Variants in TRPM3 observed in about 807,000 individuals in gnomAD.
The protein encoded by TRPM3 is transient receptor potential cation channel subfamily M member 3.
Under a neutral mutation model 181.2 loss-of-function variants are expected in TRPM3, and 77 were observed. The ratio of observed to expected loss-of-function variants is 0.42; its 90% CI spans 0.35 to 0.51. The LOEUF is 0.51. Among genes scored for constraint, TRPM3 ranks in the 20% least tolerant of loss-of-function variants. The pLI, the probability that TRPM3 is intolerant of heterozygous loss-of-function variation, is 0.01. For missense variants in TRPM3, 1,759 were observed against 2,196.7 expected (o/e 0.80, Z 3.98); for synonymous variants, 745 against 796.4 (o/e 0.94, Z 1.09).
At chr9:70,978,480 C>T (rs999226048) in intron 1 of TRPM3, among the ~76,000 whole-genome samples, 9 of 152,158 alleles carry the variant, frequency 5.9e-5, no homozygotes, top group Non-Finnish European at 1.5e-5. Context: ...CTTCTCAAAA[C>T]TTACGCTCTT....
chr9:70,681,843 G>A (rs922502220), intron 8 of TRPM3, among the ~76,000 whole-genome samples: 2 of 152,128 alleles, frequency 1.3e-5, no homozygotes, highest in East Asian at 1.9e-4. Flanking sequence ...TCTAATGGTC[G>A]TGTTCCCCCA....
intron 7 of TRPM3, among the ~76,000 whole-genome samples, chr9:70,782,758 A>T (rs10780965): frequency 0.8 from 120,847 of 151,664 alleles, 48,722 homozygotes; most frequent in East Asian, 0.93. Flanking sequence ...ACTCCAACTT[A>T]GAGTTTATAA....
intron 1 of TRPM3, among the ~76,000 whole-genome samples, chr9:71,389,324 A>AAC: frequency 6.6e-6 from 1 of 152,052 alleles, no homozygotes; most frequent in South Asian, 2.1e-4. Flanking sequence ...AAAAAAAAAA[A>AAC]TCAAAAAACA....
chr9:71,425,300 T>C, intron 1 of TRPM3, among the ~76,000 whole-genome samples: 1 of 152,158 alleles, frequency 6.6e-6, no homozygotes, highest in Middle Eastern at 3.2e-3. Context: ...GTCACATGTA[T>C]TGAACTCACC....
At chr9:70,903,708 A>G (rs1002871055) in intron 1 of TRPM3, among the ~76,000 whole-genome samples, 14 of 152,320 alleles carry the variant, frequency 9.2e-5, no homozygotes, top group African/African-American at 3.4e-4. Context: ...CAATTTTATT[A>G]GCTAGAGCCA....
At chr9:70,984,381 A>G (rs1043057347) in intron 1 of TRPM3, among the ~76,000 whole-genome samples, 3 of 152,234 alleles carry the variant, frequency 2.0e-5, no homozygotes, top group Non-Finnish European at 4.4e-5. Flanking sequence ...TTATTTGGTT[A>G]AATTTGTGTA....
At chr9:71,153,994 T>G (rs1039716818) in intron 1 of TRPM3, among the ~76,000 whole-genome samples, 2 of 152,138 alleles carry the variant, frequency 1.3e-5, no homozygotes, top group Admixed American at 6.5e-5. Flanking sequence ...AAGAGTAAAT[T>G]TGTTTTGGCA....
intron 1 of TRPM3, among the ~76,000 whole-genome samples, chr9:71,133,285 C>A (rs1486228820): frequency 5.4e-5 from 4 of 74,760 alleles, no homozygotes; most frequent in Admixed American, 5.2e-4. Context: ...ATTCTTCTAG[C>A]AAATTGCTTT....
At chr9:71,047,408 T>C (rs1045325061) in intron 1 of TRPM3, among the ~76,000 whole-genome samples, 1 of 152,160 alleles carries the variant, frequency 6.6e-6, no homozygotes, top group Non-Finnish European at 1.5e-5. Flanking sequence ...AAGAAAATTT[T>C]AATAATTTTT....
At chr9:71,435,562 C>T (rs1196610347) in intron 1 of TRPM3, among the ~76,000 whole-genome samples, 1 of 152,208 alleles carries the variant, frequency 6.6e-6, no homozygotes, top group Non-Finnish European at 1.5e-5. Flanking sequence ...ACCAGCAGAA[C>T]CTCATTCCAA....
chr9:71,102,607 T>C (rs2068608421), intron 1 of TRPM3, among the ~76,000 whole-genome samples: 1 of 152,222 alleles, frequency 6.6e-6, no homozygotes, highest in African/African-American at 2.4e-5. Context: ...CTTTTATTTC[T>C]TTCTTTCCTT....
intron 1 of TRPM3, among the ~76,000 whole-genome samples, chr9:71,251,985 T>C (rs2082370474): frequency 6.6e-6 from 1 of 152,206 alleles, no homozygotes; most frequent in Non-Finnish European, 1.5e-5. Flanking sequence ...CTTATTTCAC[T>C]TAATATAACC....
chr9:70,778,331 A>G (rs959446936), intron 7 of TRPM3, among the ~76,000 whole-genome samples: 27 of 152,184 alleles, frequency 1.8e-4, no homozygotes, highest in African/African-American at 5.5e-4. Context: ...CAAAGCACAC[A>G]TGACCTTCTA....
At chr9:70,846,693 G>A (rs965338087) in intron 3 of TRPM3, 102 bp from the exon 4 acceptor site, 32 of 934,240 alleles carry the variant, frequency 3.4e-5, no homozygotes, top group African/African-American at 2.0e-4. Context: ...TGACAAAAAC[G>A]TCTCATATAA....
chr9:70,976,607 G>A (rs1265023763), intron 1 of TRPM3, among the ~76,000 whole-genome samples: 1 of 152,158 alleles, frequency 6.6e-6, no homozygotes, highest in African/African-American at 2.4e-5. Context: ...TCTTTAAAAT[G>A]GCAGTATGAT....
chr9:70,942,334 G>C (rs183149680), intron 1 of TRPM3, among the ~76,000 whole-genome samples: 487 of 152,286 alleles, frequency 3.2e-3, no homozygotes, highest in Non-Finnish European at 4.3e-3. Context: ...CATGGAATCT[G>C]AGGCAAAGAA....
At chr9:71,278,102 T>C (rs1321246652) in intron 1 of TRPM3, among the ~76,000 whole-genome samples, 1 of 152,248 alleles carries the variant, frequency 6.6e-6, no homozygotes, top group Non-Finnish European at 1.5e-5. Context: ...TAGAAATAAC[T>C]GCTTTATTCC....
chr9:71,433,641 A>G (rs1453239752), intron 1 of TRPM3, among the ~76,000 whole-genome samples: 1 of 152,238 alleles, frequency 6.6e-6, no homozygotes, highest in Non-Finnish European at 1.5e-5. Context: ...CAAGTGCTGC[A>G]ATTTTAAGCT....
intron 1 of TRPM3, among the ~76,000 whole-genome samples, chr9:71,064,592 A>C (rs961390159): frequency 5.3e-5 from 8 of 152,078 alleles, no homozygotes; most frequent in Admixed American, 5.2e-4. Flanking sequence ...CAAGTGTTTA[A>C]AATTCAGTTT....
Sources: allele counts gnomAD v4.1 joint callset (sites outside exome capture counted in the v4.1 genomes callset), GRCh38; gene constraint gnomAD v4.1.1; transcripts MANE v1.5; gene names NCBI Gene and HGNC (gene_info 2026-07-23, HGNC 2026-07-21).